Variants in PTPRG observed in about 807,000 individuals in gnomAD.
The protein encoded by PTPRG is protein tyrosine phosphatase receptor type G.
Under a neutral mutation model 165.3 loss-of-function variants are expected in PTPRG, and 102 were observed. The ratio of observed to expected loss-of-function variants is 0.62; its 90% CI spans 0.53 to 0.73. The LOEUF is 0.73. Among genes scored for constraint, PTPRG ranks in the 30% least tolerant of loss-of-function variants. The probability of loss-of-function intolerance (pLI) is 0.00; values close to 1 mark genes in which losing one functional copy is unlikely to be tolerated. For synonymous variants in PTPRG, 675 were observed against 669.5 expected (o/e 1.01, Z -0.13); for missense variants, 1,866 against 1,861.4 (o/e 1.00, Z -0.05).
At chr3:61,818,182 A>G (rs1489956246) in intron 2 of PTPRG, among the ~76,000 whole-genome samples, 1 of 152,228 alleles carries the variant, frequency 6.6e-6, no homozygotes, top group Non-Finnish European at 1.5e-5. Context: ...CTTGAACTCT[A>G]TATAAAGTTA....
At chr3:62,172,507 C>T (rs1241424224) in intron 8 of PTPRG, among the ~76,000 whole-genome samples, 1 of 152,148 alleles carries the variant, frequency 6.6e-6, no homozygotes, top group East Asian at 1.9e-4. Flanking sequence ...CTGATGATCT[C>T]CCTGTTTGTT....
intron 5 of PTPRG, among the ~76,000 whole-genome samples, chr3:62,083,345 C>A (rs983300428): frequency 1.3e-5 from 2 of 151,844 alleles, no homozygotes; most frequent in Non-Finnish European, 2.9e-5. Context: ...AAGCTGTGCT[C>A]CTGCCTCTGC....
At chr3:61,684,345 A>T (rs1187012882) in intron 1 of PTPRG, among the ~76,000 whole-genome samples, 1 of 152,012 alleles carries the variant, frequency 6.6e-6, no homozygotes, top group Non-Finnish European at 1.5e-5. Context: ...CTCATTAGGG[A>T]GCGGGTTGCC....
intron 2 of PTPRG, among the ~76,000 whole-genome samples, chr3:61,969,085 A>G (rs1402453889): frequency 5.3e-5 from 8 of 152,166 alleles, no homozygotes; most frequent in Non-Finnish European, 1.0e-4. Context: ...CATCCTTATT[A>G]TGGGAATGTA....
At chr3:61,645,573 G>T (rs1325390704) in intron 1 of PTPRG, among the ~76,000 whole-genome samples, 2 of 152,214 alleles carry the variant, frequency 1.3e-5, no homozygotes, top group Non-Finnish European at 1.5e-5. Context: ...TAGCAGTGGT[G>T]GTAGAGAAGC....
intron 2 of PTPRG, among the ~76,000 whole-genome samples, chr3:61,820,603 G>GTTTTTTTTTTTTTTTTTTTTTTTTTTTTT (rs11329820): frequency 7.6e-5 from 5 of 65,732 alleles, no homozygotes; most frequent in African/African-American, 1.3e-4. Context: ...CTGTGTCTCT[G>GTTTTTTTTTTTTTTTTTTTTTTTTTTTTT]TTTTTTTTTT....
intron 3 of PTPRG, among the ~76,000 whole-genome samples, chr3:62,002,658 A>G (rs1331159686): frequency 6.6e-6 from 1 of 152,186 alleles, no homozygotes; most frequent in Non-Finnish European, 1.5e-5. Flanking sequence ...GCTTTCAGGT[A>G]TTCTTTGGAT....
intron 5 of PTPRG, chr3:62,124,391 A>T: frequency 6.2e-7 from 1 of 1,613,720 alleles, no homozygotes. Flanking sequence ...CTGCAGGTCC[A>T]AGATGTAGTC....
rs1307701441 is a variant in PTPRG at position 62,295,479 on chromosome 3, C to T, written c.*2172C>T. On this transcript the variant is annotated 3_prime_UTR_variant, in exon 30 of 30. Coordinates refer to ENST00000474889, the MANE Select transcript of PTPRG (RefSeq NM_002841.4). Reference sequence around the variant, plus strand: ...TTCTTAATAAAAGTAAACACTGGTTCAAAGACAAATAGCAAGTATTCCCTC... The same window carrying T: ...TTCTTAATAAAAGTAAACACTGGTTTAAAGACAAATAGCAAGTATTCCCTC... 1.3e-5 allele frequency: 2 copies of T among 151,968 alleles called. No individual in the cohort carries two copies. The highest frequency in any genetic ancestry group is 4.8e-5 in the African/African-American group (2 of 41,378). The allele number at this position is 151,968 out of a possible 1,614,324, so 9.4% of individuals were successfully genotyped here.
intron 2 of PTPRG, among the ~76,000 whole-genome samples, chr3:61,947,038 T>A (rs937697130): frequency 2.0e-5 from 3 of 152,220 alleles, no homozygotes; most frequent in African/African-American, 7.2e-5. Context: ...CCAGCAGCGA[T>A]GTAATCCTTT....
At chr3:62,122,325 A>G (rs778759388) in intron 5 of PTPRG, among the ~76,000 whole-genome samples, 3 of 152,214 alleles carry the variant, frequency 2.0e-5, no homozygotes, top group Non-Finnish European at 4.4e-5. Flanking sequence ...AGTATCAGGC[A>G]GCAAACCCCT....
At chr3:61,873,141 C>G (rs1242829638) in intron 2 of PTPRG, among the ~76,000 whole-genome samples, 1 of 152,008 alleles carries the variant, frequency 6.6e-6, no homozygotes. Context: ...CAGGTAATTT[C>G]ATTTGTAATT....
At chr3:61,692,577 C>T (rs992131193) in intron 1 of PTPRG, among the ~76,000 whole-genome samples, 3 of 151,752 alleles carry the variant, frequency 2.0e-5, no homozygotes, top group South Asian at 2.1e-4. Flanking sequence ...AGAGAGTCAG[C>T]GAGGCGAGGT....
intron 15 of PTPRG, among the ~76,000 whole-genome samples, chr3:62,250,121 A>T (rs562095501): frequency 6.6e-6 from 1 of 152,354 alleles, no homozygotes; most frequent in East Asian, 1.9e-4. Context: ...ACACTCTATG[A>T]ATTATGAAAT....
chr3:62,179,737 T>A (rs1705575557), intron 8 of PTPRG, among the ~76,000 whole-genome samples: 1 of 152,222 alleles, frequency 6.6e-6, no homozygotes. Context: ...TCTCCCTGTT[T>A]CCTTCTTGGG....
At chr3:61,885,665 T>TCCC (rs2038010475) in intron 2 of PTPRG, among the ~76,000 whole-genome samples, 1 of 7,802 alleles carries the variant, frequency 1.3e-4, no homozygotes. Flanking sequence ...TTCTCTCCTC[T>TCCC]CCTCTCCTCT....
chr3:61,652,387 C>A (rs1048351988), intron 1 of PTPRG, among the ~76,000 whole-genome samples: 4 of 152,112 alleles, frequency 2.6e-5, no homozygotes, highest in African/African-American at 9.7e-5. Flanking sequence ...GTGTGTTAGC[C>A]ATTGACAGGG....
chr3:61,863,682 T>A (rs980189238), intron 2 of PTPRG, among the ~76,000 whole-genome samples: 2 of 152,210 alleles, frequency 1.3e-5, no homozygotes, highest in African/African-American at 2.4e-5. Flanking sequence ...GACTCTGAGT[T>A]CCTAAGACAG....
chr3:61,566,265 ATGT>A (rs148502627), intron 1 of PTPRG, among the ~76,000 whole-genome samples: 1,739 of 152,338 alleles, frequency 0.011, 31 homozygotes, highest in African/African-American at 0.038. Flanking sequence ...ATAAAAGATT[ATGT>A]TGTTGTTTAC....
Sources: allele counts gnomAD v4.1 joint callset (sites outside exome capture counted in the v4.1 genomes callset), GRCh38; gene constraint gnomAD v4.1.1; transcripts MANE v1.5; gene names NCBI Gene and HGNC (gene_info 2026-07-23, HGNC 2026-07-21).